Variants in NRG3 observed in about 807,000 individuals in gnomAD.
NRG3 encodes the protein neuregulin 3, also known as pro-neuregulin-3, membrane-bound isoform.
NRG3 carries 31 observed loss-of-function variants against 66.9 expected under a neutral mutation model. That is an observed-to-expected ratio of 0.46 (90% CI 0.35 to 0.63). The LOEUF (loss-of-function observed/expected upper bound fraction) is 0.63, where lower values mean the gene tolerates loss of function less well. Ranked by LOEUF, NRG3 falls within the 20% of genes least tolerant of loss-of-function variation. The pLI is 0.00. For synonymous variants in NRG3, 393 were observed against 359.4 expected (o/e 1.09, Z -1.06); for missense variants, 910 against 878.9 (o/e 1.04, Z -0.45).
intron 2 of NRG3, among the ~76,000 whole-genome samples, chr10:82,619,634 C>T (rs549794036): frequency 5.3e-5 from 8 of 152,228 alleles, no homozygotes; most frequent in Admixed American, 5.2e-4. Context: ...GTCCTAATCT[C>T]CAGTGCATCA....
At chr10:82,117,098 T>C (rs1353173621) in intron 1 of NRG3, among the ~76,000 whole-genome samples, 2 of 152,132 alleles carry the variant, frequency 1.3e-5, no homozygotes, top group Non-Finnish European at 1.5e-5. Flanking sequence ...AGATGGCCGA[T>C]AGCCACCTTG....
intron 1 of NRG3, among the ~76,000 whole-genome samples, chr10:82,049,264 T>G (rs571646799): frequency 6.6e-6 from 1 of 152,250 alleles, no homozygotes; most frequent in Non-Finnish European, 1.5e-5. Context: ...TTTTTAGATT[T>G]GGATGTCTGT....
intron 2 of NRG3, among the ~76,000 whole-genome samples, chr10:82,594,973 T>A (rs2047188435): frequency 6.6e-6 from 1 of 151,944 alleles, no homozygotes; most frequent in Admixed American, 6.6e-5. Context: ...TTTTTTTCAT[T>A]TTCCTTTTTA....
At chr10:82,731,366 CAAAAA>C (rs557587083) in intron 2 of NRG3, among the ~76,000 whole-genome samples, 1 of 85,418 alleles carries the variant, frequency 1.2e-5, no homozygotes. Context: ...TACTCTGTCT[CAAAAA>C]AAAAAAAAAA....
chr10:82,430,726 G>T (rs184311748), intron 2 of NRG3, among the ~76,000 whole-genome samples: 4 of 152,114 alleles, frequency 2.6e-5, no homozygotes, highest in Admixed American at 2.6e-4. Flanking sequence ...TGTGTTTTTG[G>T]TCATGAGTAA....
At chr10:82,174,063 C>G (rs2072846565) in intron 1 of NRG3, among the ~76,000 whole-genome samples, 1 of 152,130 alleles carries the variant, frequency 6.6e-6, no homozygotes, top group Non-Finnish European at 1.5e-5. Context: ...TACCTGGAGT[C>G]CGTCTAGCCC....
At chr10:82,393,254 A>C (rs945684348) in intron 2 of NRG3, among the ~76,000 whole-genome samples, 1 of 152,170 alleles carries the variant, frequency 6.6e-6, no homozygotes, top group Non-Finnish European at 1.5e-5. Flanking sequence ...AAACAGAAGT[A>C]AGACATGAGT....
At chr10:82,594,915 T>C (rs1307230043) in intron 2 of NRG3, among the ~76,000 whole-genome samples, 1 of 152,178 alleles carries the variant, frequency 6.6e-6, no homozygotes, top group Non-Finnish European at 1.5e-5. Context: ...TTGATGTCTT[T>C]GACAATAGAA....
chr10:82,419,763 A>G (rs1357139114), intron 2 of NRG3, among the ~76,000 whole-genome samples: 1 of 152,240 alleles, frequency 6.6e-6, no homozygotes, highest in Non-Finnish European at 1.5e-5. Context: ...TCTGCTATCC[A>G]AACACAGTGA....
intron 1 of NRG3, among the ~76,000 whole-genome samples, chr10:82,159,063 CAAAA>C (rs1271880540): frequency 1.3e-5 from 2 of 151,480 alleles, no homozygotes; most frequent in East Asian, 3.9e-4. Flanking sequence ...TTAAGACAAA[CAAAA>C]AATTAAAATA....
intron 3 of NRG3, among the ~76,000 whole-genome samples, chr10:82,833,951 G>T (rs1372180890): frequency 6.6e-6 from 1 of 152,202 alleles, no homozygotes; most frequent in Non-Finnish European, 1.5e-5. Flanking sequence ...AAGTGAGGTT[G>T]TGGAAAATAA....
intron 2 of NRG3, among the ~76,000 whole-genome samples, chr10:82,626,481 A>G (rs1053704999): frequency 6.6e-6 from 1 of 152,154 alleles, no homozygotes; most frequent in Non-Finnish European, 1.5e-5. Context: ...ATATTGTGTC[A>G]TTATCAATGA....
chr10:82,723,547 A>G (rs992201503), intron 2 of NRG3, among the ~76,000 whole-genome samples: 1 of 152,260 alleles, frequency 6.6e-6, no homozygotes, highest in African/African-American at 2.4e-5. Context: ...TCATGTTGAA[A>G]TGATAAAACA....
intron 3 of NRG3, among the ~76,000 whole-genome samples, chr10:82,805,567 G>T (rs2135465447): frequency 6.6e-6 from 1 of 152,182 alleles, no homozygotes; most frequent in East Asian, 1.9e-4. Flanking sequence ...AAGGGGAGAG[G>T]TGTCATTGCC....
At chr10:82,212,387 A>G (rs1382605755) in intron 1 of NRG3, among the ~76,000 whole-genome samples, 4 of 152,210 alleles carry the variant, frequency 2.6e-5, no homozygotes, top group African/African-American at 9.6e-5. Context: ...TTCTCTCATC[A>G]TGATTCCACA....
chr10:82,985,102 T>C lies in NRG3; in HGVS notation c.1588T>C (p.Ser530Pro), dbSNP rs1853324424. Residue 530 changes from serine to proline, a missense_variant, in exon 9 of 9, where the codon TCA (serine) becomes CCA (proline). Physicochemically the swap from Ser to Pro is moderately conservative, Grantham distance 74. Coordinates refer to ENST00000372141, the MANE Select transcript of NRG3 (RefSeq NM_001010848.4). ...AACACTGTGTTTCTTTTTCAGGTAT[T>C]CATCCAGTGGTTTAAAAACCCAACG... The part of the protein sequence containing the change: ...DQDTIPCQGY[S>P]SSGLKTQRNT... 1 of 1,612,730 alleles carries C rather than the reference T, an allele frequency of 6.2e-7. No individual in the cohort carries two copies. The highest frequency in any genetic ancestry group is 8.5e-7 in the Non-Finnish European group (1 of 1,179,434).
chr10:82,647,830 C>T (rs534516704), intron 2 of NRG3, among the ~76,000 whole-genome samples: 28 of 150,948 alleles, frequency 1.9e-4, no homozygotes, highest in South Asian at 2.1e-4. Flanking sequence ...TCATGTCCTT[C>T]GCCCACTTTT....
chr10:81,942,981 G>T (rs1589542829), intron 1 of NRG3, among the ~76,000 whole-genome samples: 1 of 152,008 alleles, frequency 6.6e-6, no homozygotes, highest in African/African-American at 2.4e-5. Context: ...TTTTCTACCG[G>T]CCAGTTTGTG....
intron 3 of NRG3, among the ~76,000 whole-genome samples, chr10:82,753,717 G>A (rs756136149): frequency 3.7e-4 from 56 of 152,018 alleles, no homozygotes; most frequent in Admixed American, 2.5e-3. Flanking sequence ...GGGAGGCTGA[G>A]GTGGGCAGAT....
Sources: allele counts gnomAD v4.1 joint callset (sites outside exome capture counted in the v4.1 genomes callset), GRCh38; gene constraint gnomAD v4.1.1; transcripts MANE v1.5; gene names NCBI Gene and HGNC (gene_info 2026-07-23, HGNC 2026-07-21).